The following GABRA2 variants were observed in gnomAD, a reference collection of about 807,000 sequenced individuals.
GABRA2 encodes gamma-aminobutyric acid receptor subunit alpha-2.
Under a neutral mutation model 48.7 loss-of-function variants are expected in GABRA2, and 16 were observed. The ratio of observed to expected loss-of-function variants is 0.33; its 90% confidence interval spans 0.22 to 0.50. The LOEUF (loss-of-function observed/expected upper bound fraction) is 0.50, where lower values mean the gene tolerates loss of function less well. Ranked by LOEUF, GABRA2 falls within the 20% of genes least tolerant of loss-of-function variation. The pLI, the probability that GABRA2 is intolerant of heterozygous loss-of-function variation, is 0.98. For missense variants in GABRA2, 275 were observed against 535.6 expected (o/e 0.51, Z 4.80); for synonymous variants, 185 against 184.5 (o/e 1.00, Z -0.02).
intron 3 of GABRA2, among the ~76,000 whole-genome samples, chr4:46,358,678 C>T (rs1365695463): frequency 1.3e-5 from 2 of 152,178 alleles, no homozygotes; most frequent in Admixed American, 6.5e-5. Context: ...AACTACCACA[C>T]TCTTGGCCTT....
intron 3 of GABRA2, among the ~76,000 whole-genome samples, chr4:46,357,153 A>ATGTC (rs1736122743): frequency 6.6e-6 from 1 of 151,764 alleles, no homozygotes; most frequent in African/African-American, 2.4e-5. Flanking sequence ...GATCAGGAAT[A>ATGTC]TGTCTGTCTA....
At chr4:46,353,198 C>A (rs1735425639) in intron 3 of GABRA2, among the ~76,000 whole-genome samples, 1 of 152,086 alleles carries the variant, frequency 6.6e-6, no homozygotes, top group African/African-American at 2.4e-5. Context: ...TTTCCTCTTT[C>A]ACACCCATAT....
In GABRA2 at chr4:46,376,889, C is replaced by T. The variant is rs116498079; in HGVS notation, c.187+9185G>A. ...TGCCGACTGCCTGCGATTGCAGGCG[C>T]GCGCCTGACTGGTTTTCCTATTTTT... On this transcript the variant is annotated intron_variant, in intron 3 of 9. Transcript: ENST00000381620. Among the ~76,000 whole-genome samples, 1,125 of 152,192 alleles carry T rather than the reference C, an allele frequency of 7.4e-3. 14 individuals carry two copies. The highest frequency in any genetic ancestry group is 0.025 in the African/African-American group (1,035 of 41,524).
At chr4:46,326,178 G>A (rs1730341205) in intron 4 of GABRA2, among the ~76,000 whole-genome samples, 2 of 152,056 alleles carry the variant, frequency 1.3e-5, no homozygotes, top group East Asian at 1.9e-4. Context: ...TGGGGAGGGT[G>A]GTAGGGAATA....
intron 4 of GABRA2, among the ~76,000 whole-genome samples, chr4:46,331,489 T>A (rs1362094106): frequency 6.6e-6 from 1 of 152,138 alleles, no homozygotes; most frequent in Non-Finnish European, 1.5e-5. Context: ...ATACTTTTTG[T>A]TTTGTTTGTT....
intron 4 of GABRA2, among the ~76,000 whole-genome samples, chr4:46,330,241 A>G (rs1274386288): frequency 3.3e-5 from 5 of 152,030 alleles, no homozygotes; most frequent in African/African-American, 1.2e-4. Flanking sequence ...TCTGCTAAAA[A>G]ATTTTAAAGT....
intron 9 of GABRA2, among the ~76,000 whole-genome samples, chr4:46,257,289 T>C (rs144250889): frequency 0.014 from 2,110 of 151,738 alleles, 15 homozygotes; most frequent in Non-Finnish European, 0.023. Flanking sequence ...TAACAAATAA[T>C]AGGAGTTTGT....
chr4:46,364,325 C>T (rs1287876462), intron 3 of GABRA2: 2 of 152,182 alleles, frequency 1.3e-5, no homozygotes, highest in African/African-American at 2.4e-5. Flanking sequence ...AGGTTAAACA[C>T]TGAAAAATGT....
Position 46,257,679 on chromosome 4 carries a change from GAGTT to G in GABRA2, c.1059+4243_1059+4246del, listed in dbSNP as rs1716109897. 3.3e-5 allele frequency among the ~76,000 whole-genome samples: 5 copies of G among 151,790 alleles called. No homozygotes were observed. In the South Asian group the frequency reaches 1.0e-3, roughly 31 times the overall value. On this transcript the variant is annotated intron_variant, in intron 9 of 9. Coordinates refer to ENST00000381620, the MANE Select transcript of GABRA2 (RefSeq NM_000807.4). ...TTTAATAATTGATTAAAGAACTGAA[GAGTT>G]AGTTAAATGATCTGATTTATGATTT...
At chr4:46,295,671 G>T (rs549620102) in intron 8 of GABRA2, among the ~76,000 whole-genome samples, 1 of 152,182 alleles carries the variant, frequency 6.6e-6, no homozygotes. Flanking sequence ...CTGGGTACCC[G>T]ATTTGCCAGC....
At chr4:46,389,638 G>A (rs1717956761) in intron 1 of GABRA2, 97 bp downstream of exon 1, 2 of 710,222 alleles carry the variant, frequency 2.8e-6, no homozygotes, top group Non-Finnish European at 3.5e-6. Context: ...CGTTTCCAGG[G>A]AGCCTCTGAA....
At chr4:46,298,826 A>G (rs1364833934) in intron 8 of GABRA2, among the ~76,000 whole-genome samples, 1 of 151,900 alleles carries the variant, frequency 6.6e-6, no homozygotes, top group Non-Finnish European at 1.5e-5. Flanking sequence ...AATATATTGT[A>G]TGTGACTCAC....
At chr4:46,343,309 G>A (rs1733608468) in intron 3 of GABRA2, among the ~76,000 whole-genome samples, 1 of 151,956 alleles carries the variant, frequency 6.6e-6, no homozygotes, top group Non-Finnish European at 1.5e-5. Flanking sequence ...TTTCTGGAAC[G>A]TAGTAGGCTC....
chr4:46,269,607 C>T lies in GABRA2; in HGVS notation c.857-7479G>A, dbSNP rs573247673. On this transcript the variant is annotated intron_variant, in intron 8 of 9. Coordinates refer to ENST00000381620, the MANE Select transcript of GABRA2 (RefSeq NM_000807.4). ...ATCAATATAAATGTAACTGTATAAACGTAGTAAAAAAAATCAGAAAAGAAA... is the reference window on the plus strand; with the variant it reads ...ATCAATATAAATGTAACTGTATAAATGTAGTAAAAAAAATCAGAAAAGAAA... Among the ~76,000 whole-genome samples, 29 of 151,632 alleles carry T rather than the reference C, an allele frequency of 1.9e-4. No homozygotes were observed. In the South Asian group the frequency reaches 5.6e-3, roughly 29 times the overall value.
chr4:46,292,313 GA>G (rs1723820438), intron 8 of GABRA2, among the ~76,000 whole-genome samples: 1 of 152,178 alleles, frequency 6.6e-6, no homozygotes, highest in Admixed American at 6.5e-5. Context: ...ACAAAGAGCT[GA>G]AATGGTGAAA....
chr4:46,248,461 C>A lies in GABRA2; in HGVS notation c.*1847G>T, dbSNP rs1046349300. The A allele has an allele frequency of 4.0e-5, 6 of 151,422 alleles. No homozygotes were observed. Among genetic ancestry groups the A allele is most frequent in the South Asian group, 4.1e-4 (2 of 4,820 alleles). The allele number at this position is 151,422 out of a possible 1,614,324, so 9.4% of individuals were successfully genotyped here. On this transcript the variant is annotated 3_prime_UTR_variant, in exon 10 of 10. Transcript: ENST00000381620. ...GAAATACATTTATTGGCTCATGTAACAATTTTATTTTATTAAGGATTATGG... is the reference window on the plus strand; with the variant it reads ...GAAATACATTTATTGGCTCATGTAAAAATTTTATTTTATTAAGGATTATGG...
chr4:46,371,006 G>A (rs1424665690), intron 3 of GABRA2, among the ~76,000 whole-genome samples: 1 of 151,986 alleles, frequency 6.6e-6, no homozygotes, highest in Non-Finnish European at 1.5e-5. Flanking sequence ...CAGAAACTGA[G>A]GCACAGAGAT....
intron 8 of GABRA2, among the ~76,000 whole-genome samples, chr4:46,298,375 T>A (rs1426907270): frequency 6.6e-6 from 1 of 152,082 alleles, no homozygotes; most frequent in Non-Finnish European, 1.5e-5. Context: ...ATATTTTTCT[T>A]ACAGAGACAA....
chr4:46,385,445 T>C (rs1717318862), intron 3 of GABRA2, among the ~76,000 whole-genome samples: 1 of 152,006 alleles, frequency 6.6e-6, no homozygotes, highest in Non-Finnish European at 1.5e-5. Context: ...TTCTGAATAT[T>C]TATTTTATTT....
Sources: gnomAD v4.1 joint callset for allele counts (sites outside exome capture counted in the v4.1 genomes callset) on GRCh38, gnomAD v4.1.1 for gene constraint, MANE v1.5 for transcripts, NCBI Gene and HGNC (gene_info 2026-07-23, HGNC 2026-07-21) for gene names.